Variants in FGF9 observed in about 807,000 individuals in gnomAD.
FGF9 encodes fibroblast growth factor 9.
FGF9 carries 3 observed loss-of-function variants against 19.9 expected under a neutral mutation model. That is an observed-to-expected ratio of 0.15 (90% CI 0.07 to 0.39). FGF9 has a LOEUF of 0.39. Ranked by LOEUF, FGF9 falls within the 10% of genes least tolerant of loss-of-function variation. The pLI is 1.00. For synonymous variants in FGF9, 107 were observed against 106.9 expected (o/e 1.00, Z -0.01); for missense variants, 175 against 256.8 (o/e 0.68, Z 2.18).
Position 21,672,911 on chromosome 13 carries a change from C to G in FGF9, c.277+722C>G, listed in dbSNP as rs1326421747. On this transcript the variant is annotated intron_variant, in intron 1 of 2. Transcript: ENST00000382353. The surrounding 1 kb of genome is among the most constrained non-coding windows in gnomAD (Gnocchi z 4.2). Reference sequence around the variant, plus strand: ...CCCTGTGTAGGTCTCCTGCGTGGCTCTCTGGTGTGAGTGTGTGCGCGCGTG... The same window carrying G: ...CCCTGTGTAGGTCTCCTGCGTGGCTGTCTGGTGTGAGTGTGTGCGCGCGTG... Among the ~76,000 whole-genome samples the G allele has an allele frequency of 6.9e-6, 1 of 144,440 alleles. No homozygotes were observed. The highest frequency in any genetic ancestry group is 1.5e-5 in the Non-Finnish European group (1 of 64,914). 94.8% of individuals were successfully genotyped at this position (144,440 alleles called of 152,430 possible). A position where few individuals can be genotyped will look rare whatever the true frequency, so the allele number is the denominator to read the frequency against.
chr13:21,681,627 G>A (rs1183272289), intron 2 of FGF9, among the ~76,000 whole-genome samples: 2 of 152,188 alleles, frequency 1.3e-5, no homozygotes, highest in African/African-American at 4.8e-5. Context: ...AGAATATTAC[G>A]ATATTGTAAT....
intron 2 of FGF9, among the ~76,000 whole-genome samples, chr13:21,683,808 C>G (rs1207391994): frequency 1.3e-5 from 2 of 152,234 alleles, no homozygotes; most frequent in East Asian, 3.8e-4. Context: ...AATCCATTCT[C>G]CACACTGATG....
chr13:21,701,111 A>G (rs746006892), intron 2 of FGF9, 79 bp from the exon 3 acceptor site: 17 of 1,207,574 alleles, frequency 1.4e-5, no homozygotes, highest in Non-Finnish European at 2.0e-5. Flanking sequence ...TGCTGCACCT[A>G]TCAATCCATC....
chr13:21,675,136 G>A (rs1445284753), intron 1 of FGF9, among the ~76,000 whole-genome samples: 1 of 151,952 alleles, frequency 6.6e-6, no homozygotes, highest in Non-Finnish European at 1.5e-5. Flanking sequence ...TAGCCCGTCG[G>A]CCTGGCGTCG....
chr13:21,702,713 A>G lies in FGF9; in HGVS notation c.*1278A>G, dbSNP rs562504800. 2.2e-4 allele frequency: 33 copies of G among 152,344 alleles called. No individual in the cohort carries two copies. The highest frequency in any genetic ancestry group is 7.9e-4 in the African/African-American group (33 of 41,572). 9.4% of individuals were successfully genotyped at this position (152,344 alleles called of 1,614,324 possible). On this transcript the variant is annotated 3_prime_UTR_variant, in exon 3 of 3. Transcript: ENST00000382353. ...TTGGCTATCAAATATGAAATTATAGAAGTATCATAGGGGTCATTGTAACAT... is the reference window on the plus strand; with the variant it reads ...TTGGCTATCAAATATGAAATTATAGGAGTATCATAGGGGTCATTGTAACAT...
rs762716906 is a variant in FGF9, at chr13:21,701,330, A to G, written c.522A>G (p.Glu174=). Residue 174 remains glutamate (E), a synonymous_variant, in exon 3 of 3, where the codon GAA becomes GAG. Transcript: ENST00000382353. ...TAAATAAAGATGGGACCCCGAGAGA[A>G]GGGACTAGGACTAAACGGCACCAGA... The part of the protein sequence containing the change: ...VALNKDGTPR[E]GTRTKRHQKF... The G allele has an allele frequency of 6.8e-6, 11 of 1,613,960 alleles. No homozygotes were observed. In the Admixed American group the frequency reaches 1.2e-4, roughly 17 times the overall value.
At chr13:21,682,523 G>C (rs1445484460) in intron 2 of FGF9, among the ~76,000 whole-genome samples, 1 of 152,038 alleles carries the variant, frequency 6.6e-6, no homozygotes, top group Non-Finnish European at 1.5e-5. Flanking sequence ...AAATGTATTT[G>C]TAAGTATAGG....
At chr13:21,694,531 C>T (rs1028367624) in intron 2 of FGF9, among the ~76,000 whole-genome samples, 1 of 152,194 alleles carries the variant, frequency 6.6e-6, no homozygotes, top group Non-Finnish European at 1.5e-5. Context: ...CAATCTGATC[C>T]TTCAAGGGCA....
At chr13:21,677,085 C>T (rs1871935124) in intron 1 of FGF9, among the ~76,000 whole-genome samples, 2 of 152,150 alleles carry the variant, frequency 1.3e-5, no homozygotes, top group Admixed American at 1.3e-4. Flanking sequence ...ATGAGCATAT[C>T]CTCATTTGGA....
At position 21,702,545 on chromosome 13, in the gene FGF9, C is replaced by T. The variant is rs1015578105; in HGVS notation, c.*1110C>T. ...CTATGCTTTCATTTTAGCCGATCTC[C>T]AGAATGACAGTATTAACATCAAACA... On this transcript the variant is annotated 3_prime_UTR_variant, in exon 3 of 3. Transcript: ENST00000382353. 1.1e-4 allele frequency: 16 copies of T among 152,250 alleles called. No individual in the cohort carries two copies. Among genetic ancestry groups the T allele is most frequent in the Admixed American group, 5.9e-4 (9 of 15,288 alleles). The allele number at this position is 152,250 out of a possible 1,614,324, so 9.4% of individuals were successfully genotyped here. A position where few individuals can be genotyped will look rare whatever the true frequency, so the allele number is the denominator to read the frequency against.
Position 21,704,090 on chromosome 13 carries a change from A to G in FGF9, c.*2655A>G, listed in dbSNP as rs1872602613. The G allele has an allele frequency of 6.6e-6, 1 of 152,140 alleles. No homozygotes were observed. The highest frequency in any genetic ancestry group is 1.5e-5 in the Non-Finnish European group (1 of 68,038). 9.4% of individuals were successfully genotyped at this position (152,140 alleles called of 1,614,324 possible). Reference sequence around the variant, plus strand: ...ATCCCCAGCTCATGGGTTTGCATCCAGTTCTTGTCTTAAGAGACCCAAAGC... The same window carrying G: ...ATCCCCAGCTCATGGGTTTGCATCCGGTTCTTGTCTTAAGAGACCCAAAGC... On this transcript the variant is annotated 3_prime_UTR_variant, in exon 3 of 3. Coordinates refer to ENST00000382353, the MANE Select transcript of FGF9 (RefSeq NM_002010.3).
intron 2 of FGF9, among the ~76,000 whole-genome samples, chr13:21,698,600 C>T (rs1472719822): frequency 6.6e-6 from 1 of 152,166 alleles, no homozygotes; most frequent in Non-Finnish European, 1.5e-5. Flanking sequence ...TTTCCCATCA[C>T]ATAAACTCAT....
At chr13:21,696,684 A>G (rs956967607) in intron 2 of FGF9, among the ~76,000 whole-genome samples, 21 of 152,282 alleles carry the variant, frequency 1.4e-4, no homozygotes, top group Non-Finnish European at 2.9e-5. Flanking sequence ...TTGCTATCCA[A>G]ATTTGCATTC....
chr13:21,700,015 G>GGT (rs3076108), intron 2 of FGF9, among the ~76,000 whole-genome samples: 3,263 of 146,792 alleles, frequency 0.022, 41 homozygotes, highest in South Asian at 0.038. Flanking sequence ...TTTGGGATGT[G>GGT]GTGTGTGTGT....
At chr13:21,678,173 G>A (rs1310366463) in intron 1 of FGF9, among the ~76,000 whole-genome samples, 1 of 152,028 alleles carries the variant, frequency 6.6e-6, no homozygotes, top group East Asian at 1.9e-4. Flanking sequence ...AAAAGTGAAC[G>A]AATATGAATT....
chr13:21,690,561 T>C (rs1565951806), intron 2 of FGF9, among the ~76,000 whole-genome samples: 1 of 152,234 alleles, frequency 6.6e-6, no homozygotes, highest in Non-Finnish European at 1.5e-5. Flanking sequence ...TTGTAGGTGC[T>C]GGAAATACGT....
At chr13:21,677,427 C>T (rs1565948774) in intron 1 of FGF9, among the ~76,000 whole-genome samples, 1 of 152,172 alleles carries the variant, frequency 6.6e-6, no homozygotes, top group Admixed American at 6.5e-5. Flanking sequence ...ATTGATCCAG[C>T]CCCCTCTGCT....
chr13:21,689,050 G>A lies in FGF9; in HGVS notation c.381+7905G>A, dbSNP rs185432006. Among the ~76,000 whole-genome samples the A allele has an allele frequency of 7.6e-4, 115 of 152,284 alleles. 1 individual carries two copies. Among genetic ancestry groups the A allele is most frequent in the Non-Finnish European group, 5.9e-5 (4 of 68,020 alleles). ...TCCCGTCTGGGATGCGAATTTGGAG[G>A]AATATTGTCGTGGGTTCCCAGGAAC... On this transcript the variant is annotated intron_variant, in intron 2 of 2. Coordinates refer to ENST00000382353, the MANE Select transcript of FGF9 (RefSeq NM_002010.3).
chr13:21,703,437 G>C lies in FGF9; in HGVS notation c.*2002G>C, dbSNP rs1872590163. On this transcript the variant is annotated 3_prime_UTR_variant, in exon 3 of 3. Transcript: ENST00000382353. Reference sequence around the variant, plus strand: ...TATTTGGAATTAAGATATATTTTAGGGGGAGGGGACAGAAGCAATGTAAAA... The same window carrying C: ...TATTTGGAATTAAGATATATTTTAGCGGGAGGGGACAGAAGCAATGTAAAA... 1 of 152,152 alleles carries C rather than the reference G, an allele frequency of 6.6e-6. No homozygotes were observed. Among genetic ancestry groups the C allele is most frequent in the African/African-American group, 2.4e-5 (1 of 41,422 alleles). The allele number at this position is 152,152 out of a possible 1,614,324, so 9.4% of individuals were successfully genotyped here.
Sources: gnomAD v4.1 joint callset for allele counts (sites outside exome capture counted in the v4.1 genomes callset) on GRCh38, gnomAD v4.1.1 for gene constraint, Gnocchi (gnomAD v3.1) non-coding constraint, MANE v1.5 for transcripts, NCBI Gene and HGNC (gene_info 2026-07-23, HGNC 2026-07-21) for gene names.